The following DTD1 variants were observed in gnomAD, a reference collection of about 807,000 sequenced individuals.
DTD1 encodes D-tyrosyl-tRNA deacylase 1 homolog.
A neutral mutation model predicts 25.6 loss-of-function variants in DTD1; 13 were observed. That is an observed-to-expected ratio of 0.51 (90% CI 0.33 to 0.81). The LOEUF is 0.81. Among genes scored for constraint, DTD1 ranks in the 30% least tolerant of loss-of-function variants. The probability of loss-of-function intolerance (pLI) is 0.02; values close to 1 mark genes in which losing one functional copy is unlikely to be tolerated. For synonymous variants in DTD1, 110 were observed against 103.6 expected (o/e 1.06, Z -0.37); for missense variants, 193 against 266.4 (o/e 0.72, Z 1.92).
chr20:18,669,533 TCATCTGTAAC>T (rs1019266379), intron 4 of DTD1, among the ~76,000 whole-genome samples: 1 of 152,184 alleles, frequency 6.6e-6, no homozygotes, highest in African/African-American at 2.4e-5. Flanking sequence ...TTTCTGTTCC[TCATCTGTAAC>T]CAGGGCTTGT....
chr20:18,615,736 T>C (rs556779298), intron 3 of DTD1, among the ~76,000 whole-genome samples: 1 of 152,284 alleles, frequency 6.6e-6, no homozygotes, highest in South Asian at 2.1e-4. Context: ...CTGTATATTC[T>C]CTGCTGGGTC....
chr20:18,712,388 G>A (rs907758979), intron 4 of DTD1, among the ~76,000 whole-genome samples: 1 of 140,670 alleles, frequency 7.1e-6, no homozygotes, highest in African/African-American at 2.7e-5. Flanking sequence ...CTGTGTGTGT[G>A]TTGTGGGGGT....
chr20:18,590,165 A>C (rs1002425568), intron 1 of DTD1, among the ~76,000 whole-genome samples: 7 of 152,074 alleles, frequency 4.6e-5, no homozygotes, highest in Non-Finnish European at 1.0e-4. Context: ...CATTTATTTT[A>C]AATTTATGCA....
At chr20:18,662,468 G>A (rs1166823529) in intron 4 of DTD1, among the ~76,000 whole-genome samples, 1 of 152,208 alleles carries the variant, frequency 6.6e-6, no homozygotes. Flanking sequence ...CAAATGCTGA[G>A]TAAAATCAGA....
chr20:18,726,585 G>A (rs2061223194), intron 4 of DTD1, among the ~76,000 whole-genome samples: 1 of 152,154 alleles, frequency 6.6e-6, no homozygotes, highest in Non-Finnish European at 1.5e-5. Context: ...AATCCTAGAG[G>A]TGTTTCTGAG....
At chr20:18,647,732 C>T (rs1204534876) in intron 4 of DTD1, among the ~76,000 whole-genome samples, 2 of 152,000 alleles carry the variant, frequency 1.3e-5, no homozygotes, top group African/African-American at 2.4e-5. Context: ...TGGCGGTGGG[C>T]AGTGGGCAGC....
At chr20:18,650,519 C>A (rs995902306) in intron 4 of DTD1, among the ~76,000 whole-genome samples, 1 of 152,240 alleles carries the variant, frequency 6.6e-6, no homozygotes, top group African/African-American at 2.4e-5. Flanking sequence ...AGCTGCCCTG[C>A]ACTGAACCCC....
chr20:18,758,436 G>A (rs1016215269), intron 5 of DTD1, among the ~76,000 whole-genome samples: 32 of 152,084 alleles, frequency 2.1e-4, no homozygotes, highest in African/African-American at 7.5e-4. Context: ...TCTACACACT[G>A]CTTTGAATGT....
At chr20:18,611,279 C>G (rs1477867041) in intron 3 of DTD1, 1 of 152,166 alleles carries the variant, frequency 6.6e-6, no homozygotes, top group Non-Finnish European at 1.5e-5. Context: ...CTTTTACAGC[C>G]TCCAATGAAA....
chr20:18,657,107 G>A (rs6045541), intron 4 of DTD1, among the ~76,000 whole-genome samples: 1 of 152,064 alleles, frequency 6.6e-6, no homozygotes, highest in African/African-American at 2.4e-5. Context: ...TTTTGTCAAA[G>A]GCAATACTAT....
intron 5 of DTD1, among the ~76,000 whole-genome samples, chr20:18,762,144 G>C (rs2061365561): frequency 1.3e-5 from 2 of 152,202 alleles, no homozygotes; most frequent in South Asian, 2.1e-4. Context: ...GCATCTGCTT[G>C]TGATACAACC....
Position 18,668,653 on chromosome 20 carries a change from T to C in DTD1, c.477+40420T>C, listed in dbSNP as rs932737190. ...AGAGACTGAGCCCCCGAGTCATTAC[T>C]GTGAGGTGTTTTCTTCTGCATCTGG... On this transcript the variant is annotated intron_variant, in intron 4 of 5. Coordinates refer to ENST00000377452, the MANE Select transcript of DTD1 (RefSeq NM_080820.6). Among the ~76,000 whole-genome samples the C allele has an allele frequency of 1.1e-4, 17 of 152,300 alleles. No homozygotes were observed. The East Asian group carries it at 3.3e-3, about 29-fold the overall frequency.
intron 5 of DTD1, among the ~76,000 whole-genome samples, chr20:18,748,247 T>TA (rs2061308496): frequency 6.6e-6 from 1 of 152,048 alleles, no homozygotes; most frequent in Non-Finnish European, 1.5e-5. Context: ...CAAAACAGCT[T>TA]AAAAAATTCA....
intron 3 of DTD1, among the ~76,000 whole-genome samples, chr20:18,624,982 C>T (rs2060751257): frequency 6.6e-6 from 1 of 152,210 alleles, no homozygotes; most frequent in African/African-American, 2.4e-5. Flanking sequence ...AAGGTGCCCT[C>T]ACTTTTCCAT....
chr20:18,701,862 A>G (rs1316082056), intron 4 of DTD1, among the ~76,000 whole-genome samples: 1 of 152,260 alleles, frequency 6.6e-6, no homozygotes, highest in Non-Finnish European at 1.5e-5. Flanking sequence ...TCTGTCAGAT[A>G]AAATGCATGA....
chr20:18,601,898 C>T (rs1180114763), intron 3 of DTD1, among the ~76,000 whole-genome samples: 5 of 151,116 alleles, frequency 3.3e-5, no homozygotes, highest in Non-Finnish European at 4.4e-5. Context: ...CAGTTCCTCA[C>T]CAGCAATGGA....
At chr20:18,690,972 C>T (rs1331280096) in intron 4 of DTD1, among the ~76,000 whole-genome samples, 1 of 152,098 alleles carries the variant, frequency 6.6e-6, no homozygotes, top group East Asian at 1.9e-4. Flanking sequence ...ACAGACACTG[C>T]TCAAAAGAAG....
At position 18,653,348 on chromosome 20, in the gene DTD1, C is replaced by T. The variant is rs1304441542; in HGVS notation, c.477+25115C>T. Reference sequence around the variant, plus strand: ...GGTTGAGGCTGCAGTGAGCCAAGATCGTACCACCAAACTCCAGCCTGGGTG... The same window carrying T: ...GGTTGAGGCTGCAGTGAGCCAAGATTGTACCACCAAACTCCAGCCTGGGTG... On this transcript the variant is annotated intron_variant, in intron 4 of 5. Coordinates refer to ENST00000377452, the MANE Select transcript of DTD1 (RefSeq NM_080820.6). Among the ~76,000 whole-genome samples, 5 of 152,092 alleles carry T rather than the reference C, an allele frequency of 3.3e-5. No homozygotes were observed. In the East Asian group the frequency reaches 7.7e-4, roughly 23 times the overall value.
intron 4 of DTD1, among the ~76,000 whole-genome samples, chr20:18,663,075 C>T (rs2122375771): frequency 6.6e-6 from 1 of 152,282 alleles, no homozygotes; most frequent in East Asian, 1.9e-4. Context: ...GTATCCTACC[C>T]AGGTCAGAAG....
Sources: allele counts gnomAD v4.1 joint callset (sites outside exome capture counted in the v4.1 genomes callset), GRCh38; gene constraint gnomAD v4.1.1; transcripts MANE v1.5; gene names NCBI Gene and HGNC (gene_info 2026-07-23, HGNC 2026-07-21).